KCTD8: variants seen among roughly 807,000 people sequenced by gnomAD.
KCTD8 encodes BTB/POZ domain-containing protein KCTD8.
A neutral mutation model predicts 31.5 loss-of-function variants in KCTD8; 27 were observed. The observed-to-expected ratio is 0.86, with a 90% CI of 0.63 to 1.18. The LOEUF (loss-of-function observed/expected upper bound fraction) is 1.18. Among genes scored for constraint, KCTD8 ranks in the 50% most tolerant of loss-of-function variants. The pLI, the probability that KCTD8 is intolerant of heterozygous loss-of-function variation, is 0.00. For missense variants in KCTD8, 658 were observed against 647.7 expected (o/e 1.02, Z -0.17); for synonymous variants, 290 against 280.0 (o/e 1.04, Z -0.36).
intron 1 of KCTD8, among the ~76,000 whole-genome samples, chr4:44,426,567 T>C (rs1021162812): frequency 6.6e-6 from 1 of 151,708 alleles, no homozygotes; most frequent in South Asian, 2.1e-4. Flanking sequence ...TAAAACAATA[T>C]TATGAGTACC....
chr4:44,187,382 T>C (rs1324944471), intron 1 of KCTD8, among the ~76,000 whole-genome samples: 1 of 152,148 alleles, frequency 6.6e-6, no homozygotes, highest in African/African-American at 2.4e-5. Flanking sequence ...AAGCTAGGAT[T>C]CTATCCACAT....
intron 1 of KCTD8, among the ~76,000 whole-genome samples, chr4:44,189,608 C>T (rs1713700077): frequency 6.6e-6 from 1 of 152,024 alleles, no homozygotes; most frequent in African/African-American, 2.4e-5. Context: ...TTTCTACAAA[C>T]ATTCAAACAT....
rs1394423075 is a variant in KCTD8 at position 44,324,051 on chromosome 4, A to AC, written c.961+123511_961+123512insG. Among the ~76,000 whole-genome samples, 51 of 149,130 alleles carry AC rather than the reference A, an allele frequency of 3.4e-4. No individual in the cohort carries two copies. The East Asian group carries it at 9.8e-3, about 29-fold the overall frequency. ...TAAAACTTAAAGTATAATTAAAAAAAAAAAAACAAAACAAAACAAAACAAA... is the reference window on the plus strand; with the variant it reads ...TAAAACTTAAAGTATAATTAAAAAAACAAAAAACAAAACAAAACAAAACAAA... On this transcript the variant is annotated intron_variant, in intron 1 of 1. Transcript: ENST00000360029.
intron 1 of KCTD8, among the ~76,000 whole-genome samples, chr4:44,381,256 G>A (rs1720055268): frequency 6.6e-6 from 1 of 151,906 alleles, no homozygotes; most frequent in Non-Finnish European, 1.5e-5. Context: ...AAAAATGAAT[G>A]CTTATCTCCA....
intron 1 of KCTD8, among the ~76,000 whole-genome samples, chr4:44,245,813 C>T (rs1031337409): frequency 2.6e-5 from 4 of 151,866 alleles, no homozygotes; most frequent in South Asian, 4.2e-4. Flanking sequence ...TTCTAACATT[C>T]GTTTTCTAAA....
intron 1 of KCTD8, among the ~76,000 whole-genome samples, chr4:44,372,884 T>C (rs1719826369): frequency 6.6e-6 from 1 of 152,212 alleles, no homozygotes; most frequent in Admixed American, 6.5e-5. Flanking sequence ...AGCACAACCA[T>C]AATTAAAATC....
chr4:44,416,640 T>C (rs1721084086), intron 1 of KCTD8, among the ~76,000 whole-genome samples: 1 of 152,134 alleles, frequency 6.6e-6, no homozygotes, highest in Admixed American at 6.6e-5. Context: ...ATCCCCTTTC[T>C]TTCTCTGGCT....
chr4:44,416,577 G>A (rs1247867680), intron 1 of KCTD8, among the ~76,000 whole-genome samples: 1 of 152,084 alleles, frequency 6.6e-6, no homozygotes, highest in Non-Finnish European at 1.5e-5. Context: ...ATCCTTCCTT[G>A]GTGATGAGTT....
intron 1 of KCTD8, among the ~76,000 whole-genome samples, chr4:44,287,334 A>G (rs1717111707): frequency 6.6e-6 from 1 of 152,208 alleles, no homozygotes; most frequent in Admixed American, 6.6e-5. Flanking sequence ...TCTGTGCTAT[A>G]AAATGAATTA....
intron 1 of KCTD8, among the ~76,000 whole-genome samples, chr4:44,400,736 A>G (rs958333854): frequency 2.0e-5 from 3 of 151,716 alleles, no homozygotes; most frequent in African/African-American, 7.3e-5. Context: ...CTCAAAAAAA[A>G]AAAAAAAAAA....
chr4:44,330,452 C>T (rs1013729712), intron 1 of KCTD8, among the ~76,000 whole-genome samples: 1 of 151,836 alleles, frequency 6.6e-6, no homozygotes, highest in African/African-American at 2.4e-5. Context: ...CATGTTTTAT[C>T]AGAGCTTTAT....
At chr4:44,316,803 A>G (rs1408337721) in intron 1 of KCTD8, among the ~76,000 whole-genome samples, 5 of 116,176 alleles carry the variant, frequency 4.3e-5, no homozygotes, top group African/African-American at 2.2e-4. Flanking sequence ...ACGAAAAAAA[A>G]AAAAAAAAAA....
intron 1 of KCTD8, among the ~76,000 whole-genome samples, chr4:44,194,050 C>T (rs115403997): frequency 6.6e-6 from 1 of 151,936 alleles, no homozygotes; most frequent in Non-Finnish European, 1.5e-5. Flanking sequence ...ATCTTAGAAC[C>T]CATGACTTGT....
chr4:44,222,717 G>C lies in KCTD8; in HGVS notation c.962-47467C>G, dbSNP rs189367867. Among the ~76,000 whole-genome samples, 728 of 152,262 alleles carry C rather than the reference G, an allele frequency of 4.8e-3. 27 individuals are homozygous for C. The highest frequency in any genetic ancestry group is 0.045 in the Admixed American group (692 of 15,294). ...GGAACTATACACAGAGGAAATTCTG[G>C]GAATTCTAGTTTTTGGACCAAGCGC... On this transcript the variant is annotated intron_variant, in intron 1 of 1. Transcript: ENST00000360029.
intron 1 of KCTD8, among the ~76,000 whole-genome samples, chr4:44,353,815 A>G (rs1372687389): frequency 6.6e-6 from 1 of 152,106 alleles, no homozygotes; most frequent in African/African-American, 2.4e-5. Flanking sequence ...GTAAACTTTT[A>G]ATACTGTCTC....
intron 1 of KCTD8, among the ~76,000 whole-genome samples, chr4:44,446,528 CACCCCACTCCCA>C (rs1349091343): frequency 3.3e-5 from 5 of 152,276 alleles, no homozygotes; most frequent in South Asian, 4.1e-4. Flanking sequence ...ACCACAGCCC[CACCCCACTCCCA>C]ATCCCACTCC....
chr4:44,222,872 T>C (rs1231674157), intron 1 of KCTD8, among the ~76,000 whole-genome samples: 1 of 152,110 alleles, frequency 6.6e-6, no homozygotes, highest in East Asian at 1.9e-4. Context: ...CAATAGCTGG[T>C]TAGTATTGGA....
rs1716961692 is a variant in KCTD8, at chr4:44,283,591, A to C, written c.962-108341T>G. The stretch of plus-strand genomic sequence containing the variant: ...TTTGCCTGTGATCTATAAATGGAAC[A>C]AGAAGTCCTAGATGACAGCACATCT... On this transcript the variant is annotated intron_variant, in intron 1 of 1. Coordinates refer to ENST00000360029, the MANE Select transcript of KCTD8 (RefSeq NM_198353.3). Among the ~76,000 whole-genome samples, 6 of 152,162 alleles carry C rather than the reference A, an allele frequency of 3.9e-5. No individual in the cohort carries two copies. The South Asian group carries it at 1.2e-3, about 31-fold the overall frequency.
At chr4:44,436,977 C>A (rs1251725344) in intron 1 of KCTD8, among the ~76,000 whole-genome samples, 4 of 151,872 alleles carry the variant, frequency 2.6e-5, no homozygotes, top group African/African-American at 9.7e-5. Flanking sequence ...AGCCTTCAAC[C>A]CTAAATATTA....
Sources: allele counts gnomAD v4.1 joint callset (sites outside exome capture counted in the v4.1 genomes callset), GRCh38; gene constraint gnomAD v4.1.1; transcripts MANE v1.5; gene names NCBI Gene and HGNC (gene_info 2026-07-23, HGNC 2026-07-21).